INTS9: variants seen among roughly 807,000 people sequenced by gnomAD.
INTS9 encodes the protein integrator complex subunit 9.
INTS9 carries 55 observed loss-of-function variants against 79.7 expected under a neutral mutation model. The ratio of observed to expected loss-of-function variants is 0.69; its 90% confidence interval spans 0.56 to 0.86. The LOEUF (loss-of-function observed/expected upper bound fraction) is 0.86. Among genes scored for constraint, INTS9 ranks in the 40% least tolerant of loss-of-function variants. The pLI is 0.00. For missense variants in INTS9, 721 were observed against 831.5 expected, an observed-to-expected ratio of 0.87 and a Z score of 1.64; for synonymous variants, 319 against 325.2, an observed-to-expected ratio of 0.98 and a Z score of 0.20.
chr8:28,833,658 AAAC>A (rs1283682927), intron 6 of INTS9, among the ~76,000 whole-genome samples: 1 of 151,350 alleles, frequency 6.6e-6, no homozygotes, highest in Non-Finnish European at 1.5e-5. Flanking sequence ...ACCAAAAAAA[AAAC>A]AAAAGAAAAA....
At chr8:28,822,360 C>T (rs1311142806) in intron 6 of INTS9, among the ~76,000 whole-genome samples, 1 of 152,062 alleles carries the variant, frequency 6.6e-6, no homozygotes. Flanking sequence ...AATTGGCAAA[C>T]CTTTTCCATA....
chr8:28,878,805 C>A (rs1197463279), intron 1 of INTS9, among the ~76,000 whole-genome samples: 3 of 151,888 alleles, frequency 2.0e-5, no homozygotes, highest in South Asian at 2.1e-4. Context: ...CATGGAAAAA[C>A]CCTGTCTCTA....
chr8:28,848,053 C>T (rs1001351999), intron 3 of INTS9, among the ~76,000 whole-genome samples: 1 of 152,210 alleles, frequency 6.6e-6, no homozygotes, highest in African/African-American at 2.4e-5. Flanking sequence ...GGTGGGCTAC[C>T]AATAGGGTCT....
chr8:28,837,545 C>A (rs1439566551), intron 5 of INTS9, 92 bp downstream of exon 5: 17 of 1,351,890 alleles, frequency 1.3e-5, no homozygotes, highest in African/African-American at 1.5e-5. Context: ...AAGGAACTAA[C>A]CACCAGCCCT....
Position 28,768,322 on chromosome 8 carries a change from G to C in INTS9, c.1801C>G (p.His601Asp). Residue 601 changes from histidine to aspartate, a missense_variant and splice_region_variant, in exon 17 of 17, where the codon CAT becomes GAT. Physicochemically the swap from His to Asp is moderately conservative, Grantham distance 81 (BLOSUM62 -1). Transcript: ENST00000521022. ...VEQFVQTLEKHGFSDIKVEDT... is the reference protein window; with the variant it reads ...VEQFVQTLEKDGFSDIKVEDT... ...TCCACCTTAATATCACTGAAGCCATGCTGCTCCAGAAGAAAAGAAAGAGGT... is the reference window on the plus strand; with the variant it reads ...TCCACCTTAATATCACTGAAGCCATCCTGCTCCAGAAGAAAAGAAAGAGGT... The C allele has an allele frequency of 6.2e-7, 1 of 1,612,930 alleles. No homozygotes were observed. Among genetic ancestry groups the C allele is most frequent in the South Asian group, 1.1e-5 (1 of 91,082 alleles).
At chr8:28,829,591 A>T (rs1284454071) in intron 6 of INTS9, among the ~76,000 whole-genome samples, 3 of 152,178 alleles carry the variant, frequency 2.0e-5, no homozygotes, top group African/African-American at 4.8e-5. Context: ...TTTAGTTGAT[A>T]GTTTTATTAG....
At chr8:28,824,930 T>C (rs1806060086) in intron 6 of INTS9, among the ~76,000 whole-genome samples, 1 of 152,206 alleles carries the variant, frequency 6.6e-6, no homozygotes, top group South Asian at 2.1e-4. Context: ...GCATGTGAAA[T>C]GTCTGGTGCA....
intron 1 of INTS9, among the ~76,000 whole-genome samples, chr8:28,860,324 A>G (rs1390298703): frequency 6.6e-6 from 1 of 152,224 alleles, no homozygotes; most frequent in African/African-American, 2.4e-5. Flanking sequence ...TATATGGGAC[A>G]TGCTCTGCCA....
At chr8:28,864,126 T>C (rs775636340) in intron 1 of INTS9, among the ~76,000 whole-genome samples, 1 of 152,176 alleles carries the variant, frequency 6.6e-6, no homozygotes, top group Non-Finnish European at 1.5e-5. Flanking sequence ...GAGGATAACT[T>C]AAGGCCAAGA....
intron 10 of INTS9, among the ~76,000 whole-genome samples, chr8:28,790,797 C>G (rs1025998631): frequency 6.6e-6 from 1 of 152,220 alleles, no homozygotes; most frequent in African/African-American, 2.4e-5. Flanking sequence ...ATCCCAGCCA[C>G]TCAACTACCT....
chr8:28,809,968 C>T (rs1455508650), intron 8 of INTS9: 1 of 152,182 alleles, frequency 6.6e-6, no homozygotes, highest in Non-Finnish European at 1.5e-5. Context: ...AAAATGGGGT[C>T]TGTTAATTAT....
chr8:28,792,986 C>G (rs2665910), intron 10 of INTS9, among the ~76,000 whole-genome samples: 122,176 of 151,250 alleles, frequency 0.81, 49,587 homozygotes, highest in African/African-American at 0.86. Context: ...CTAAACACAG[C>G]GGGGAAAAAA....
At chr8:28,784,174 C>T (rs1025352044) in intron 11 of INTS9, among the ~76,000 whole-genome samples, 3 of 152,208 alleles carry the variant, frequency 2.0e-5, no homozygotes, top group Non-Finnish European at 4.4e-5. Context: ...GCCCTAACAA[C>T]GACAAGTGCA....
chr8:28,882,500 A>T (rs1343614120), intron 1 of INTS9, among the ~76,000 whole-genome samples: 5 of 144,670 alleles, frequency 3.5e-5, no homozygotes, highest in African/African-American at 1.2e-4. Flanking sequence ...AAAATAAAAA[A>T]AAAAGAAATA....
intron 4 of INTS9, among the ~76,000 whole-genome samples, chr8:28,840,904 C>A (rs569899398): frequency 6.7e-6 from 1 of 148,892 alleles, no homozygotes; most frequent in Admixed American, 6.7e-5. Context: ...AACTAACCTG[C>A]ACATTGTGCA....
chr8:28,850,742 G>A (rs890942710), intron 2 of INTS9, among the ~76,000 whole-genome samples: 2 of 152,108 alleles, frequency 1.3e-5, no homozygotes, highest in Admixed American at 6.5e-5. Context: ...ACGAATACCC[G>A]AATTCCAGTC....
chr8:28,826,438 G>A (rs1186229868), intron 6 of INTS9, among the ~76,000 whole-genome samples: 5 of 152,152 alleles, frequency 3.3e-5, no homozygotes, highest in Non-Finnish European at 7.3e-5. Context: ...GAGCTCAGGG[G>A]TAACCCGGAG....
intron 10 of INTS9, among the ~76,000 whole-genome samples, chr8:28,788,450 G>A (rs1412288199): frequency 1.9e-4 from 29 of 152,110 alleles, no homozygotes; most frequent in Non-Finnish European, 1.9e-4. Context: ...ACAGAGTTTC[G>A]CTCTTGTTGC....
intron 8 of INTS9, among the ~76,000 whole-genome samples, chr8:28,811,054 G>T (rs1471410132): frequency 6.6e-6 from 1 of 151,798 alleles, no homozygotes; most frequent in Non-Finnish European, 1.5e-5. Context: ...CCCTTCACTG[G>T]CCATCCCTTT....
Sources: gnomAD v4.1 joint callset for allele counts (sites outside exome capture counted in the v4.1 genomes callset) on GRCh38, gnomAD v4.1.1 for gene constraint, MANE v1.5 for transcripts, NCBI Gene and HGNC (gene_info 2026-07-23, HGNC 2026-07-21) for gene names.